Variants in LRRC7 observed in about 807,000 individuals in gnomAD.
LRRC7 encodes leucine rich repeat containing 7.
Under a neutral mutation model 175.7 loss-of-function variants are expected in LRRC7, and 23 were observed. That is an observed-to-expected ratio of 0.13 (90% CI 0.09 to 0.19). The LOEUF is 0.19. Ranked by LOEUF, LRRC7 falls within the 10% of genes least tolerant of loss-of-function variation. The probability of loss-of-function intolerance (pLI) is 1.00; values close to 1 mark genes in which losing one functional copy is unlikely to be tolerated. For missense variants in LRRC7, 1,354 were observed against 1,904.7 expected, an observed-to-expected ratio of 0.71 and a Z score of 5.38; for synonymous variants, 685 against 680.9, an observed-to-expected ratio of 1.01 and a Z score of -0.09.
intron 1 of LRRC7, among the ~76,000 whole-genome samples, chr1:69,674,305 G>T (rs1178943212): frequency 6.6e-6 from 1 of 152,076 alleles, no homozygotes; most frequent in Non-Finnish European, 1.5e-5. Flanking sequence ...AGAAAAGATT[G>T]GTTAAATCTT....
Position 69,568,456 on chromosome 1 carries a change from C to G in LRRC7, c.-184C>G. On this transcript the variant is annotated 5_prime_UTR_variant, in exon 1 of 27. Coordinates refer to ENST00000651989, the MANE Select transcript of LRRC7 (RefSeq NM_001370785.2). ...GAAGGGCACTGGCATCATGGTCTAA[C>G]GTGGCACCTTCCTGGATTCCCCTCT... 1 of 370,174 alleles carries G rather than the reference C, an allele frequency of 2.7e-6. No individual in the cohort carries two copies. The highest frequency in any genetic ancestry group is 2.5e-5 in the South Asian group (1 of 40,650). The allele number at this position is 370,174 out of a possible 1,614,324, so 22.9% of individuals were successfully genotyped here.
chr1:70,053,938 C>T (rs1660935052), intron 23 of LRRC7, among the ~76,000 whole-genome samples: 1 of 152,010 alleles, frequency 6.6e-6, no homozygotes, highest in African/African-American at 2.4e-5. Context: ...ATGCCATTTA[C>T]ATTTACTAGA....
chr1:69,922,579 T>C (rs1477024183), intron 7 of LRRC7, among the ~76,000 whole-genome samples: 2 of 152,140 alleles, frequency 1.3e-5, no homozygotes, highest in Admixed American at 6.5e-5. Context: ...CAATGTATTT[T>C]TGTTATGGAA....
At chr1:70,104,149 A>G (rs1445765368) in intron 25 of LRRC7, among the ~76,000 whole-genome samples, 1 of 152,212 alleles carries the variant, frequency 6.6e-6, no homozygotes, top group Non-Finnish European at 1.5e-5. Flanking sequence ...AACAGTAGGA[A>G]GTTATTGTTT....
intron 8 of LRRC7, among the ~76,000 whole-genome samples, chr1:69,974,117 A>G (rs1300240668): frequency 3.3e-5 from 5 of 152,238 alleles, no homozygotes; most frequent in African/African-American, 1.2e-4. Context: ...TTTGTGCTAT[A>G]TAAATTTTCT....
intron 8 of LRRC7, among the ~76,000 whole-genome samples, chr1:69,955,853 A>G (rs1245877399): frequency 6.6e-6 from 1 of 152,014 alleles, no homozygotes; most frequent in Non-Finnish European, 1.5e-5. Flanking sequence ...ATTACACAGC[A>G]GCAATTAGCC....
chr1:69,577,141 A>G (rs900430890), intron 1 of LRRC7, among the ~76,000 whole-genome samples: 1 of 152,222 alleles, frequency 6.6e-6, no homozygotes, highest in African/African-American at 2.4e-5. Context: ...GACTGGATAC[A>G]AAGATGATGT....
chr1:69,891,949 G>C (rs1645847474), intron 7 of LRRC7, among the ~76,000 whole-genome samples: 1 of 149,688 alleles, frequency 6.7e-6, no homozygotes, highest in African/African-American at 2.4e-5. Flanking sequence ...GCAATAAAAT[G>C]ACACGTGCCT....
intron 4 of LRRC7, among the ~76,000 whole-genome samples, chr1:69,809,125 A>G (rs1189522127): frequency 1.3e-5 from 2 of 152,194 alleles, no homozygotes; most frequent in African/African-American, 2.4e-5. Flanking sequence ...ACAAACTACC[A>G]TCAGAGAATA....
At chr1:69,610,473 T>A (rs963450467) in intron 1 of LRRC7, among the ~76,000 whole-genome samples, 1 of 152,050 alleles carries the variant, frequency 6.6e-6, no homozygotes, top group Non-Finnish European at 1.5e-5. Flanking sequence ...CCCCTTAGCC[T>A]GAAATTGATG....
intron 11 of LRRC7, among the ~76,000 whole-genome samples, chr1:70,010,998 A>G (rs972468465): frequency 1.3e-5 from 2 of 152,126 alleles, no homozygotes; most frequent in Admixed American, 1.3e-4. Context: ...AAGAATACAG[A>G]CCCCGTATTG....
chr1:69,941,048 G>C (rs941570013), intron 8 of LRRC7, among the ~76,000 whole-genome samples: 1 of 152,046 alleles, frequency 6.6e-6, no homozygotes, highest in Admixed American at 6.6e-5. Context: ...GTCAGGGAGT[G>C]AGCCATGCAA....
chr1:69,841,844 T>C (rs1681771045), intron 7 of LRRC7, among the ~76,000 whole-genome samples: 1 of 152,104 alleles, frequency 6.6e-6, no homozygotes, highest in Non-Finnish European at 1.5e-5. Flanking sequence ...TTGCATCACT[T>C]GATTATTTTT....
chr1:69,648,602 T>G (rs1655337846), intron 1 of LRRC7, among the ~76,000 whole-genome samples: 1 of 152,172 alleles, frequency 6.6e-6, no homozygotes, highest in Admixed American at 6.5e-5. Context: ...TCCATCATGT[T>G]TTTGGCTCCT....
At chr1:69,779,084 C>T (rs1260964765) in intron 3 of LRRC7, among the ~76,000 whole-genome samples, 1 of 151,674 alleles carries the variant, frequency 6.6e-6, no homozygotes, top group Non-Finnish European at 1.5e-5. Flanking sequence ...TAGTATGGAA[C>T]TTTAGATTAA....
chr1:70,023,248 C>T lies in LRRC7; in HGVS notation c.1668C>T (p.Pro556=), dbSNP rs368497218. ...GTGATCAGCAGATCCAAGATATGCC[C>T]GTCCCCCAGAATGACCCACAGCTGG... ...ARCDQQIQDM[P]VPQNDPQLAW... is the part of the protein sequence containing the mutation. Residue 556 remains proline (P), a synonymous_variant, in exon 17 of 27, where the codon CCC becomes CCT. Transcript: ENST00000651989. 24 of 1,612,784 alleles carry T rather than the reference C, an allele frequency of 1.5e-5. No individual in the cohort carries two copies. Among genetic ancestry groups the T allele is most frequent in the East Asian group, 1.3e-4 (6 of 44,772 alleles).
chr1:70,069,974 C>T (rs1662260230), intron 23 of LRRC7, among the ~76,000 whole-genome samples: 1 of 151,994 alleles, frequency 6.6e-6, no homozygotes. Flanking sequence ...TCTTCTGTTT[C>T]TTTGCTGAGA....
intron 25 of LRRC7, among the ~76,000 whole-genome samples, chr1:70,106,658 C>G (rs542101556): frequency 1.3e-5 from 2 of 152,264 alleles, no homozygotes; most frequent in East Asian, 3.9e-4. Flanking sequence ...TTGCCCTAAC[C>G]TACTTTTTGG....
chr1:69,683,506 C>G (rs756122477), intron 2 of LRRC7, among the ~76,000 whole-genome samples: 5 of 152,098 alleles, frequency 3.3e-5, no homozygotes, highest in African/African-American at 1.2e-4. Flanking sequence ...TTCCTGTGCT[C>G]TCTGTGCTTC....
Sources: gnomAD v4.1 joint callset for allele counts (sites outside exome capture counted in the v4.1 genomes callset) on GRCh38, gnomAD v4.1.1 for gene constraint, MANE v1.5 for transcripts, NCBI Gene and HGNC (gene_info 2026-07-23, HGNC 2026-07-21) for gene names.